Variants in DNAJC11 observed in about 807,000 individuals in gnomAD.
The protein encoded by DNAJC11 is dnaJ homolog subfamily C member 11.
In DNAJC11, 15 loss-of-function variants were observed where a neutral mutation model predicts 78.6. That is an observed-to-expected ratio of 0.19 (90% confidence interval 0.13 to 0.29). The LOEUF (loss-of-function observed/expected upper bound fraction) is 0.29, where lower values mean the gene tolerates loss of function less well. DNAJC11 is among the 10% of genes least tolerant of loss of function. DNAJC11 has a pLI of 1.00. For missense variants in DNAJC11, 547 were observed against 709.6 expected (o/e 0.77, Z 2.60); for synonymous variants, 292 against 272.1 (o/e 1.07, Z -0.72).
Position 6,687,929 on chromosome 1 carries a change from A to G in DNAJC11, c.73-6892T>C, listed in dbSNP as rs563982908. ...TTTAACGTGAGACTAACCTGTATCT[A>G]CGGTACAAATGCAGCTCCATTTAAT... On this transcript the variant is annotated intron_variant, in intron 1 of 15. Coordinates refer to ENST00000377577, the MANE Select transcript of DNAJC11 (RefSeq NM_018198.4). 5.3e-5 allele frequency among the ~76,000 whole-genome samples: 8 copies of G among 152,348 alleles called. No homozygotes were observed. The South Asian group carries it at 1.7e-3, about 32-fold the overall frequency.
intron 11 of DNAJC11, among the ~76,000 whole-genome samples, chr1:6,639,521 A>C (rs142762317): frequency 6.6e-6 from 1 of 151,776 alleles, no homozygotes; most frequent in African/African-American, 2.4e-5. Flanking sequence ...TAGTAGAGAC[A>C]GGGTTTCACC....
intron 1 of DNAJC11, among the ~76,000 whole-genome samples, chr1:6,686,523 C>G (rs574510432): frequency 6.6e-6 from 1 of 152,312 alleles, no homozygotes; most frequent in South Asian, 2.1e-4. Context: ...TGCCAATCAC[C>G]AAGGCAGAGG....
chr1:6,695,457 G>C (rs1192376303), intron 1 of DNAJC11, among the ~76,000 whole-genome samples: 1 of 151,844 alleles, frequency 6.6e-6, no homozygotes, highest in African/African-American at 2.4e-5. Context: ...CCTACAGTAA[G>C]TGCTTAAGCC....
intron 1 of DNAJC11, among the ~76,000 whole-genome samples, chr1:6,681,788 CCT>C (rs1642557220): frequency 6.6e-6 from 1 of 152,132 alleles, no homozygotes; most frequent in Non-Finnish European, 1.5e-5. Context: ...AGACAGGGCC[CCT>C]CAGAGGCCTT....
At position 6,644,747 on chromosome 1, in the gene DNAJC11, A is replaced by G. The variant is rs555350930; in HGVS notation, c.981-73T>C. ...TCAGGGGCAGCTGTCATTTGAGAAG[A>G]GGCCAGGTACCTTCCCTTCCCTCCC... On this transcript the variant is annotated intron_variant, in intron 9 of 15. Coordinates refer to ENST00000377577, the MANE Select transcript of DNAJC11 (RefSeq NM_018198.4). 347 of 1,327,442 alleles carry G rather than the reference A, an allele frequency of 2.6e-4. 5 individuals are homozygous for G. The East Asian group carries it at 7.8e-3, about 30-fold the overall frequency. 82.2% of individuals were successfully genotyped at this position (1,327,442 alleles called of 1,614,324 possible).
In DNAJC11 at chr1:6,680,966, G is replaced by T; in HGVS notation, c.144C>A (p.Asp48Glu). Reference sequence around the variant, plus strand: ...GTTCCGCCTGTGACTTGAGCTCTGGGTCTCTGTGCTTGTCTGGATGGTAGA... The same window carrying T: ...GTTCCGCCTGTGACTTGAGCTCTGGTTCTCTGTGCTTGTCTGGATGGTAGA... ...CMLYHPDKHR[D>E]PELKSQAERL... The change falls in exon 2 of 16, where the codon GAC (aspartate) becomes GAA (glutamate). Residue 48 changes from aspartate (D) to glutamate (E), a missense_variant. Coordinates refer to ENST00000377577, the MANE Select transcript of DNAJC11 (RefSeq NM_018198.4). This position sits in a 1 kb window ranked among gnomAD's most constrained non-coding sequence, Gnocchi z 4.0. The T allele has an allele frequency of 6.2e-7, 1 of 1,614,126 alleles. No homozygotes were observed. The highest frequency in any genetic ancestry group is 8.5e-7 in the Non-Finnish European group (1 of 1,180,010).
chr1:6,651,057 C>T, intron 7 of DNAJC11: 2 of 533,832 alleles, frequency 3.7e-6, no homozygotes, highest in Non-Finnish European at 7.7e-6. Context: ...CTAGAAGGGA[C>T]AGGGATATAC....
intron 1 of DNAJC11, among the ~76,000 whole-genome samples, chr1:6,699,414 G>A (rs554529169): frequency 9.5e-4 from 144 of 152,276 alleles, no homozygotes; most frequent in African/African-American, 3.4e-3. Flanking sequence ...TAGGACTCTG[G>A]CTAAAACTAT....
chr1:6,672,543 CA>C (rs1642396245), intron 3 of DNAJC11, among the ~76,000 whole-genome samples: 1 of 152,196 alleles, frequency 6.6e-6, no homozygotes, highest in Non-Finnish European at 1.5e-5. Flanking sequence ...ATATTTTACA[CA>C]AATTTTGCAA....
intron 4 of DNAJC11, among the ~76,000 whole-genome samples, chr1:6,665,552 G>A (rs1238404871): frequency 6.6e-6 from 1 of 152,180 alleles, no homozygotes; most frequent in Non-Finnish European, 1.5e-5. Context: ...AATGTTTTAT[G>A]TATTTGGAAG....
intron 10 of DNAJC11, among the ~76,000 whole-genome samples, chr1:6,644,149 G>A (rs149521626): frequency 7.5e-4 from 113 of 151,436 alleles, no homozygotes; most frequent in Non-Finnish European, 1.1e-3. Flanking sequence ...TATATTTTTT[G>A]AGACGGAGTC....
intron 1 of DNAJC11, among the ~76,000 whole-genome samples, chr1:6,684,606 C>G (rs1029270480): frequency 3.9e-5 from 6 of 152,110 alleles, no homozygotes; most frequent in African/African-American, 1.4e-4. Flanking sequence ...TAAGATGTTT[C>G]ATTTTTAATA....
intron 4 of DNAJC11, among the ~76,000 whole-genome samples, chr1:6,667,312 G>A (rs12411224): frequency 1.3e-5 from 2 of 152,150 alleles, no homozygotes; most frequent in Admixed American, 1.3e-4. Flanking sequence ...TCAATGCTTA[G>A]GTGGTTAGGT....
At position 6,667,940 on chromosome 1, in the gene DNAJC11, A is replaced by C. The variant is rs533821168; in HGVS notation, c.277-130T>G. ...GGTCCGGCCACAGCCTTTCCTCAGG[A>C]AGGACCCCAAACCATGAGTTCCACC... is the stretch of plus-strand genomic sequence containing the variant. On this transcript the variant is annotated intron_variant, in intron 3 of 15. Coordinates refer to ENST00000377577, the MANE Select transcript of DNAJC11 (RefSeq NM_018198.4). 8 of 803,334 alleles carry C rather than the reference A, an allele frequency of 1.0e-5. No homozygotes were observed. The African/African-American group carries it at 1.4e-4, about 14-fold the overall frequency. The allele number at this position is 803,334 out of a possible 1,614,324, so 49.8% of individuals were successfully genotyped here. A position where few individuals can be genotyped will look rare whatever the true frequency, so the allele number is the denominator to read the frequency against.
chr1:6,675,627 T>C (rs1407051413), intron 3 of DNAJC11, among the ~76,000 whole-genome samples: 4 of 152,136 alleles, frequency 2.6e-5, no homozygotes, highest in Non-Finnish European at 5.9e-5. Context: ...CTCACTGTGT[T>C]GCTCCAGCTG....
intron 1 of DNAJC11, among the ~76,000 whole-genome samples, chr1:6,690,813 AC>A (rs1642733479): frequency 6.6e-6 from 1 of 152,068 alleles, no homozygotes; most frequent in Non-Finnish European, 1.5e-5. Context: ...AGTCCCAGCT[AC>A]TCGGGAGGCT....
intron 7 of DNAJC11, among the ~76,000 whole-genome samples, chr1:6,650,808 G>A (rs191576056): frequency 2.2e-4 from 34 of 152,080 alleles, no homozygotes; most frequent in Non-Finnish European, 4.1e-4. Flanking sequence ...AGGAGGCAGA[G>A]GCTGCAGTGA....
rs748610000 is a variant in DNAJC11 at position 6,667,814 on chromosome 1, T to C, written c.277-4A>G. 8.8e-5 allele frequency: 142 copies of C among 1,613,282 alleles called. No homozygotes were observed. In the Middle Eastern group the frequency reaches 4.1e-3, roughly 46 times the overall value. On this transcript the variant is annotated splice_region_variant and splice_polypyrimidine_tract_variant and intron_variant, in intron 3 of 15. Coordinates refer to ENST00000377577, the MANE Select transcript of DNAJC11 (RefSeq NM_018198.4). The stretch of plus-strand genomic sequence containing the variant: ...GGGTTCTCCTCCTTTCCACAACCTA[T>C]GCACAGAATCAAGATGGGAAGACAG...
At chr1:6,689,759 A>G (rs549207297) in intron 1 of DNAJC11, among the ~76,000 whole-genome samples, 1 of 151,868 alleles carries the variant, frequency 6.6e-6, no homozygotes, top group Admixed American at 6.6e-5. Flanking sequence ...CTGGGCAACA[A>G]GAGCGAAACT....
Sources: gnomAD v4.1 joint callset for allele counts (sites outside exome capture counted in the v4.1 genomes callset) on GRCh38, gnomAD v4.1.1 for gene constraint, Gnocchi (gnomAD v3.1) non-coding constraint, MANE v1.5 for transcripts, NCBI Gene and HGNC (gene_info 2026-07-23, HGNC 2026-07-21) for gene names.